The following CERS3 variants were observed in gnomAD, a reference collection of about 807,000 sequenced individuals.
CERS3 encodes LAG1 homolog, ceramide synthase 3.
A neutral mutation model predicts 50.3 loss-of-function variants in CERS3; 33 were observed. The observed-to-expected ratio is 0.66, with a 90% CI of 0.50 to 0.88. The LOEUF is 0.88. Ranked by LOEUF, CERS3 falls within the 40% of genes least tolerant of loss-of-function variation. The pLI, the probability that CERS3 is intolerant of heterozygous loss-of-function variation, is 0.00. For synonymous variants in CERS3, 176 were observed against 155.2 expected, an observed-to-expected ratio of 1.13 and a Z score of -0.99; for missense variants, 470 against 460.3, an observed-to-expected ratio of 1.02 and a Z score of -0.19.
intron 1 of CERS3, among the ~76,000 whole-genome samples, chr15:100,541,781 A>T (rs2037208537): frequency 6.6e-6 from 1 of 152,226 alleles, no homozygotes; most frequent in African/African-American, 2.4e-5. Context: ...AAGTAGTAAC[A>T]TGTCACAATA....
chr15:100,537,563 G>A (rs543571558), intron 1 of CERS3, among the ~76,000 whole-genome samples: 2 of 152,312 alleles, frequency 1.3e-5, no homozygotes, highest in East Asian at 1.9e-4. Context: ...AGTGCCAAGC[G>A]AAGTGGGGAA....
intron 2 of CERS3, among the ~76,000 whole-genome samples, chr15:100,515,325 T>C (rs1010362948): frequency 3.3e-5 from 5 of 152,206 alleles, no homozygotes; most frequent in African/African-American, 1.2e-4. Context: ...CCTTAGTCAG[T>C]AGGAAGACAG....
At chr15:100,418,883 A>G (rs940905924) in intron 11 of CERS3, among the ~76,000 whole-genome samples, 1 of 151,882 alleles carries the variant, frequency 6.6e-6, no homozygotes, top group African/African-American at 2.4e-5. Context: ...GCAAATGCTG[A>G]GAGATTTTGT....
chr15:100,440,392 G>T (rs965997479), intron 11 of CERS3, among the ~76,000 whole-genome samples: 7 of 152,066 alleles, frequency 4.6e-5, no homozygotes, highest in African/African-American at 1.4e-4. Context: ...TGGCTCAAAA[G>T]CTCCCCTACT....
chr15:100,501,868 G>C lies in CERS3; in HGVS notation c.-1-18C>G. 1.2e-6 allele frequency: 2 copies of C among 1,612,128 alleles called. No homozygotes were observed. The highest frequency in any genetic ancestry group is 8.5e-7 in the Non-Finnish European group (1 of 1,178,868). ...AAAACATTCTAGAGAAATGGAAACA[G>C]ACATTAGGCTTGTAAAACAAACACG... is the stretch of plus-strand genomic sequence containing the variant. On this transcript the variant is annotated intron_variant, in intron 2 of 11. Transcript: ENST00000679737.
chr15:100,428,041 G>A (rs2032925741), intron 11 of CERS3, among the ~76,000 whole-genome samples: 1 of 152,200 alleles, frequency 6.6e-6, no homozygotes, highest in Non-Finnish European at 1.5e-5. Context: ...ACATAACAGT[G>A]AAGGAACTGA....
At chr15:100,527,630 T>C (rs758826338) in intron 1 of CERS3, among the ~76,000 whole-genome samples, 10 of 152,220 alleles carry the variant, frequency 6.6e-5, no homozygotes, top group Non-Finnish European at 1.3e-4. Flanking sequence ...CTTTCTCACA[T>C]CCCTACTGTA....
At chr15:100,457,676 G>A (rs1029199568) in intron 10 of CERS3, among the ~76,000 whole-genome samples, 3 of 152,200 alleles carry the variant, frequency 2.0e-5, no homozygotes, top group East Asian at 1.9e-4. Context: ...TTTTTCAAGG[G>A]TAAGTATATA....
chr15:100,490,645 C>T, intron 4 of CERS3, 172 bp downstream of exon 4: 1 of 559,942 alleles, frequency 1.8e-6, no homozygotes, highest in Non-Finnish European at 3.2e-6. Context: ...ATGTATCACA[C>T]TTGGGATGTT....
intron 10 of CERS3, among the ~76,000 whole-genome samples, chr15:100,457,097 C>G (rs563923752): frequency 6.6e-6 from 1 of 152,004 alleles, no homozygotes; most frequent in Admixed American, 6.5e-5. Context: ...ATTGGGGAAA[C>G]AAGAAAATTG....
At chr15:100,416,923 A>C (rs2031956931) in intron 11 of CERS3, among the ~76,000 whole-genome samples, 1 of 152,252 alleles carries the variant, frequency 6.6e-6, no homozygotes, top group African/African-American at 2.4e-5. Flanking sequence ...AGACAAGAAC[A>C]GATATTTCTC....
intron 4 of CERS3, among the ~76,000 whole-genome samples, chr15:100,490,521 T>C (rs1423383328): frequency 6.6e-6 from 1 of 152,228 alleles, no homozygotes; most frequent in Non-Finnish European, 1.5e-5. Context: ...TATTTGACCA[T>C]TAAAAATTAA....
chr15:100,478,550 G>A (rs1311705149), intron 7 of CERS3, among the ~76,000 whole-genome samples: 3 of 151,988 alleles, frequency 2.0e-5, no homozygotes, highest in African/African-American at 7.3e-5. Flanking sequence ...TGTGTTATGA[G>A]GGGAACAGCC....
chr15:100,428,787 T>G (rs2585214), intron 11 of CERS3, among the ~76,000 whole-genome samples: 42,435 of 152,186 alleles, frequency 0.28, 6,105 homozygotes, highest in East Asian at 0.43. Flanking sequence ...GTTACAGGTT[T>G]GATGCATGTT....
intron 8 of CERS3, among the ~76,000 whole-genome samples, chr15:100,475,291 T>G (rs987719960): frequency 2.0e-5 from 3 of 152,226 alleles, no homozygotes; most frequent in African/African-American, 7.2e-5. Flanking sequence ...GTGTCCCTTA[T>G]AATGGCCACC....
chr15:100,503,576 A>T lies in CERS3; in HGVS notation c.-1-1726T>A, dbSNP rs141614729. 28 of 396,714 alleles carry T rather than the reference A, an allele frequency of 7.1e-5. No individual in the cohort carries two copies. The East Asian group carries it at 2.1e-3, about 30-fold the overall frequency. The allele number at this position is 396,714 out of a possible 1,614,324, so 24.6% of individuals were successfully genotyped here. Reference sequence around the variant, plus strand: ...TGGTAGCCAGCTCCTCTGTGAGCCCATAGGGTGTCTTTGTGCTGATTAGAG... The same window carrying T: ...TGGTAGCCAGCTCCTCTGTGAGCCCTTAGGGTGTCTTTGTGCTGATTAGAG... On this transcript the variant is annotated intron_variant, in intron 2 of 11. Transcript: ENST00000679737.
rs568063138 is a variant in CERS3, at chr15:100,509,551, A to C, written c.-1-7701T>G. 2.0e-5 allele frequency among the ~76,000 whole-genome samples: 3 copies of C among 152,356 alleles called. No homozygotes were observed. The East Asian group carries it at 5.8e-4, about 29-fold the overall frequency. On this transcript the variant is annotated intron_variant, in intron 2 of 11. Coordinates refer to ENST00000679737, the MANE Select transcript of CERS3 (RefSeq NM_001378789.1). ...CAAGGTGGGCAAACAAGTCAAACTGAAGTAAAGGTATTTTTCTGACTGACA... is the reference window on the plus strand; with the variant it reads ...CAAGGTGGGCAAACAAGTCAAACTGCAGTAAAGGTATTTTTCTGACTGACA...
upstream of CERS3, among the ~76,000 whole-genome samples, chr15:100,529,847 T>C (rs1182679401): frequency 6.6e-6 from 1 of 152,216 alleles, no homozygotes; most frequent in East Asian, 1.9e-4. Flanking sequence ...CTTCAACTGC[T>C]GAAAGACATT....
chr15:100,410,323 ATAT>A (rs2031381588), intron 11 of CERS3, among the ~76,000 whole-genome samples: 1 of 152,162 alleles, frequency 6.6e-6, no homozygotes, highest in African/African-American at 2.4e-5. Flanking sequence ...GTACTGACAA[ATAT>A]TATCAGCTTG....
Sources: allele counts gnomAD v4.1 joint callset (sites outside exome capture counted in the v4.1 genomes callset), GRCh38; gene constraint gnomAD v4.1.1; transcripts MANE v1.5; gene names NCBI Gene and HGNC (gene_info 2026-07-23, HGNC 2026-07-21).